OPCML: variants seen among roughly 807,000 people sequenced by gnomAD.
OPCML encodes opioid binding protein/cell adhesion molecule like, also known as opioid-binding protein/cell adhesion molecule.
OPCML carries 13 observed loss-of-function variants against 37.8 expected under a neutral mutation model. The ratio of observed to expected loss-of-function variants is 0.34; its 90% CI spans 0.22 to 0.55. The LOEUF (loss-of-function observed/expected upper bound fraction) is 0.55, where lower values mean the gene tolerates loss of function less well. Ranked by LOEUF, OPCML falls within the 20% of genes least tolerant of loss-of-function variation. OPCML has a pLI of 0.91. For synonymous variants in OPCML, 176 were observed against 168.8 expected (o/e 1.04, Z -0.33); for missense variants, 341 against 435.6 (o/e 0.78, Z 1.93).
chr11:132,420,624 T>C (rs2095955106), intron 7 of OPCML, among the ~76,000 whole-genome samples: 2 of 152,206 alleles, frequency 1.3e-5, no homozygotes, highest in Non-Finnish European at 2.9e-5. Context: ...TCAGTGCCTC[T>C]AACTGTGTGC....
At chr11:133,292,604 C>T (rs1942511326) in intron 1 of OPCML, among the ~76,000 whole-genome samples, 1 of 152,152 alleles carries the variant, frequency 6.6e-6, no homozygotes, top group Non-Finnish European at 1.5e-5. Flanking sequence ...GAGGCAGGTC[C>T]GTACGCTGGG....
intron 1 of OPCML, among the ~76,000 whole-genome samples, chr11:132,963,547 G>A (rs955206149): frequency 4.0e-5 from 6 of 150,482 alleles, no homozygotes; most frequent in Admixed American, 2.0e-4. Context: ...AGCCAAGATC[G>A]TGCCACTGCA....
intron 1 of OPCML, among the ~76,000 whole-genome samples, chr11:133,412,518 T>C (rs779583601): frequency 2.6e-5 from 4 of 152,210 alleles, no homozygotes; most frequent in Non-Finnish European, 5.9e-5. Context: ...AACCTCATGA[T>C]AGCTATTCAT....
At chr11:132,425,554 C>CA (rs2095975279) in intron 7 of OPCML, among the ~76,000 whole-genome samples, 1 of 152,186 alleles carries the variant, frequency 6.6e-6, no homozygotes, top group Non-Finnish European at 1.5e-5. Flanking sequence ...ATGGTGTGTG[C>CA]AATCATCAAG....
intron 2 of OPCML, among the ~76,000 whole-genome samples, chr11:132,911,964 A>G (rs944001560): frequency 6.6e-6 from 1 of 152,132 alleles, no homozygotes; most frequent in African/African-American, 2.4e-5. Context: ...TCTTCAGGAC[A>G]CAGGAAATGG....
intron 1 of OPCML, among the ~76,000 whole-genome samples, chr11:132,979,558 C>G (rs1946539893): frequency 6.6e-6 from 1 of 152,236 alleles, no homozygotes; most frequent in Non-Finnish European, 1.5e-5. Context: ...CACAACCCTC[C>G]CACGGTCTCT....
At chr11:132,976,888 G>T (rs551969486) in intron 1 of OPCML, among the ~76,000 whole-genome samples, 12 of 152,134 alleles carry the variant, frequency 7.9e-5, no homozygotes, top group Non-Finnish European at 1.8e-4. Flanking sequence ...TTTCAAAAGA[G>T]ATTAGAGAAG....
Position 132,984,972 on chromosome 11 carries a change from G to A in OPCML, c.62-41962C>T, listed in dbSNP as rs980631535. On this transcript the variant is annotated intron_variant, in intron 1 of 7. Transcript: ENST00000524381. ...CTACCCTCCTGTCCTTTGTTCCCCC[G>A]TAGAACACCTGCTCCTTCCATCACA... Among the ~76,000 whole-genome samples the A allele has an allele frequency of 2.7e-4, 41 of 151,952 alleles. 1 individual carries two copies. Among genetic ancestry groups the A allele is most frequent in the African/African-American group, 8.5e-4 (35 of 41,342 alleles).
chr11:133,380,033 C>A (rs948636135), intron 1 of OPCML, among the ~76,000 whole-genome samples: 4 of 152,076 alleles, frequency 2.6e-5, no homozygotes. Flanking sequence ...AAATCATGCC[C>A]CAGGTACCAG....
chr11:133,348,107 G>A (rs1944042876), intron 1 of OPCML, among the ~76,000 whole-genome samples: 1 of 152,142 alleles, frequency 6.6e-6, no homozygotes, highest in Non-Finnish European at 1.5e-5. Context: ...GCTCAGGGCA[G>A]GAAAAGCAAT....
At chr11:133,431,799 AT>A (rs1213857052) in intron 1 of OPCML, among the ~76,000 whole-genome samples, 10 of 147,924 alleles carry the variant, frequency 6.8e-5, no homozygotes, top group Non-Finnish European at 4.5e-5. Flanking sequence ...TATATAAAAT[AT>A]TTATATATAA....
intron 1 of OPCML, among the ~76,000 whole-genome samples, chr11:133,349,502 G>A (rs551320130): frequency 2.3e-3 from 350 of 152,254 alleles, no homozygotes; most frequent in Non-Finnish European, 4.1e-3. Flanking sequence ...GCACTCAGCC[G>A]GGTCTATCCT....
At position 132,415,666 on chromosome 11, in the gene OPCML, A is replaced by G. The variant is rs890357622; in HGVS notation, c.*4527T>C. On this transcript the variant is annotated 3_prime_UTR_variant, in exon 8 of 8. Transcript: ENST00000524381. The stretch of plus-strand genomic sequence containing the variant: ...TTTCAAAATGCTGGAAATTAGGCTT[A>G]GCTCACTACTTTCAGGATAAAGACA... 7 of 152,444 alleles carry G rather than the reference A, an allele frequency of 4.6e-5. No homozygotes were observed. Among genetic ancestry groups the G allele is most frequent in the Admixed American group, 4.6e-4 (7 of 15,288 alleles). 9.4% of individuals were successfully genotyped at this position (152,444 alleles called of 1,614,324 possible). A position where few individuals can be genotyped will look rare whatever the true frequency, so the allele number is the denominator to read the frequency against.
At chr11:133,532,147 C>T (rs1948619781) in intron 1 of OPCML, 117 bp downstream of exon 1, 2 of 1,492,752 alleles carry the variant, frequency 1.3e-6, no homozygotes, top group Non-Finnish European at 9.0e-7. Context: ...TCACATGCAT[C>T]TCACACTCCC....
At chr11:132,623,705 G>T (rs1330898396) in intron 3 of OPCML, among the ~76,000 whole-genome samples, 1 of 152,178 alleles carries the variant, frequency 6.6e-6, no homozygotes, top group Admixed American at 6.5e-5. Context: ...AGCATGCCTA[G>T]GTCTGATGCC....
At chr11:132,533,109 A>G (rs943995404) in intron 3 of OPCML, among the ~76,000 whole-genome samples, 1 of 152,236 alleles carries the variant, frequency 6.6e-6, no homozygotes, top group Non-Finnish European at 1.5e-5. Flanking sequence ...TACTCAAAGA[A>G]AATGATAAGA....
rs1285616293 is a variant in OPCML, at chr11:132,657,178, T to C, written c.288A>G (p.Gln96=). 2.5e-6 allele frequency: 4 copies of C among 1,614,218 alleles called. No individual in the cohort carries two copies. Among genetic ancestry groups the C allele is most frequent in the Admixed American group, 3.3e-5 (2 of 60,028 alleles). The change falls in exon 3 of 8, where the codon CAA becomes CAG. Residue 96 remains glutamine, a synonymous_variant. Coordinates refer to ENST00000524381, the MANE Select transcript of OPCML (RefSeq NM_001012393.5). ...NTPTQYSIMI[Q]NVDVYDEGPY... ...GACCTTCGTCATACACATCCACATT[T>C]TGGATCATGATGCTGTACTGGGTTG...
At chr11:132,429,034 G>GGGAT (rs71477763) in intron 7 of OPCML, among the ~76,000 whole-genome samples, 93,171 of 146,418 alleles carry the variant, frequency 0.64, 31,029 homozygotes, top group East Asian at 0.76. Flanking sequence ...AATGGATGGA[G>GGGAT]GGATGGATGG....
intron 1 of OPCML, among the ~76,000 whole-genome samples, chr11:133,170,165 A>T (rs776737896): frequency 6.6e-6 from 1 of 152,200 alleles, no homozygotes; most frequent in Non-Finnish European, 1.5e-5. Flanking sequence ...TCTATGATTT[A>T]CTTTTCAGAA....
Sources: allele counts gnomAD v4.1 joint callset (sites outside exome capture counted in the v4.1 genomes callset), GRCh38; gene constraint gnomAD v4.1.1; transcripts MANE v1.5; gene names NCBI Gene and HGNC (gene_info 2026-07-23, HGNC 2026-07-21).